TTC39C: variants seen among roughly 807,000 people sequenced by gnomAD.
The protein encoded by TTC39C is tetratricopeptide repeat domain 39C.
In TTC39C, 33 loss-of-function variants were observed where a neutral mutation model predicts 76.3. That is an observed-to-expected ratio of 0.43 (90% CI 0.33 to 0.58). TTC39C has a LOEUF of 0.58. Ranked by LOEUF, TTC39C falls within the 20% of genes least tolerant of loss-of-function variation. TTC39C has a pLI of 0.04. For missense variants in TTC39C, 595 were observed against 701.4 expected (o/e 0.85, Z 1.71); for synonymous variants, 254 against 260.6 (o/e 0.97, Z 0.24).
upstream of TTC39C, chr18:24,013,138 T>C (rs1228983390): frequency 6.6e-6 from 1 of 152,160 alleles, no homozygotes; most frequent in Non-Finnish European, 1.5e-5. Context: ...AAAACCTAGA[T>C]TTTCTTTTAA....
chr18:24,121,236 A>G (rs1054339195), intron 8 of TTC39C, among the ~76,000 whole-genome samples: 1 of 152,196 alleles, frequency 6.6e-6, no homozygotes, highest in African/African-American at 2.4e-5. Context: ...ATATTTTAGG[A>G]TAAACCAGAG....
upstream of TTC39C, among the ~76,000 whole-genome samples, chr18:24,012,018 A>G (rs762677437): frequency 3.3e-5 from 5 of 152,332 alleles, no homozygotes; most frequent in Non-Finnish European, 5.9e-5. Context: ...AGATATCACT[A>G]TCTGCCTTTA....
At chr18:24,121,840 C>G (rs2084972207) in intron 8 of TTC39C, among the ~76,000 whole-genome samples, 1 of 152,144 alleles carries the variant, frequency 6.6e-6, no homozygotes, top group African/African-American at 2.4e-5. Context: ...CCTTTGCATC[C>G]TCTGATCTAA....
At chr18:24,041,877 A>AGTG (rs2083797533) in intron 1 of TTC39C, among the ~76,000 whole-genome samples, 1 of 152,146 alleles carries the variant, frequency 6.6e-6, no homozygotes, top group Non-Finnish European at 1.5e-5. Context: ...GATACAGTTA[A>AGTG]ACTTCCCTTT....
intron 10 of TTC39C, 102 bp downstream of exon 10, chr18:24,125,652 C>T (rs4392147): frequency 0.13 from 192,971 of 1,470,514 alleles, 14,266 homozygotes; most frequent in Middle Eastern, 0.25. Flanking sequence ...TTTATCTCAT[C>T]GGAGTCAGGG....
chr18:24,096,677 TA>T (rs1385567733), intron 6 of TTC39C, among the ~76,000 whole-genome samples: 1 of 152,208 alleles, frequency 6.6e-6, no homozygotes, highest in East Asian at 1.9e-4. Context: ...ATCAAATTCT[TA>T]AAATAGATAA....
chr18:24,071,069 C>T (rs1162258636), intron 4 of TTC39C, among the ~76,000 whole-genome samples: 1 of 152,036 alleles, frequency 6.6e-6, no homozygotes, highest in South Asian at 2.1e-4. Context: ...GCTGGGATTA[C>T]AGGCGCCCAC....
intron 4 of TTC39C, among the ~76,000 whole-genome samples, chr18:24,079,425 G>A (rs1042891275): frequency 6.6e-6 from 1 of 152,126 alleles, no homozygotes; most frequent in Admixed American, 6.5e-5. Flanking sequence ...TCGTCTTTGT[G>A]GTATGTGTTC....
chr18:24,004,306 C>T (rs2083335286), intron 1 of TTC39C, among the ~76,000 whole-genome samples: 1 of 152,196 alleles, frequency 6.6e-6, no homozygotes, highest in African/African-American at 2.4e-5. Flanking sequence ...GCAGCATTCT[C>T]ATTTTCTCTT....
intron 6 of TTC39C, among the ~76,000 whole-genome samples, chr18:24,087,661 T>C (rs1187921862): frequency 6.8e-6 from 1 of 146,996 alleles, no homozygotes; most frequent in Non-Finnish European, 1.5e-5. Context: ...CTTGGCTCAC[T>C]GCAACCTCCG....
chr18:24,129,749 G>A (rs1721875739), intron 11 of TTC39C, among the ~76,000 whole-genome samples: 1 of 142,610 alleles, frequency 7.0e-6, no homozygotes, highest in African/African-American at 2.6e-5. Flanking sequence ...ACTCCAGCCT[G>A]GGCGACACAG....
intron 1 of TTC39C, among the ~76,000 whole-genome samples, chr18:24,055,828 T>G (rs2084008685): frequency 6.6e-6 from 1 of 152,214 alleles, no homozygotes; most frequent in African/African-American, 2.4e-5. Flanking sequence ...TCATAAAGCT[T>G]TTTTCCAATG....
intron 6 of TTC39C, among the ~76,000 whole-genome samples, chr18:24,086,645 A>G (rs913507042): frequency 6.6e-6 from 1 of 152,188 alleles, no homozygotes; most frequent in Admixed American, 6.5e-5. Flanking sequence ...CAAACTGCAG[A>G]AAGAATTCCC....
At chr18:24,046,184 T>C (rs961058022) in intron 1 of TTC39C, among the ~76,000 whole-genome samples, 1 of 151,866 alleles carries the variant, frequency 6.6e-6, no homozygotes, top group South Asian at 2.1e-4. Context: ...GTGATCCACC[T>C]GCCTTGGCCT....
chr18:24,104,852 A>C (rs911519075), intron 6 of TTC39C, among the ~76,000 whole-genome samples: 1 of 152,090 alleles, frequency 6.6e-6, no homozygotes, highest in African/African-American at 2.4e-5. Flanking sequence ...TGGCATGTGG[A>C]AACAGTTCCC....
At chr18:24,077,055 C>T (rs981835161) in intron 4 of TTC39C, 7 of 152,158 alleles carry the variant, frequency 4.6e-5, no homozygotes, top group South Asian at 2.1e-4. Context: ...TTCGACGTCA[C>T]GTTGAGAGAT....
chr18:24,113,467 C>G (rs2145807703), intron 6 of TTC39C: 1 of 649,868 alleles, frequency 1.5e-6, no homozygotes, highest in South Asian at 1.7e-5. Flanking sequence ...ATAATGGGCA[C>G]TTGGGAGCAT....
intron 6 of TTC39C, among the ~76,000 whole-genome samples, chr18:24,092,092 C>CAAAAAAAA (rs74171390): frequency 5.9e-5 from 4 of 67,596 alleles, no homozygotes; most frequent in Admixed American, 2.3e-4. Flanking sequence ...GACTCAGTCT[C>CAAAAAAAA]AAAAAAAAAA....
At chr18:24,106,523 C>T (rs950049907) in intron 6 of TTC39C, among the ~76,000 whole-genome samples, 59 of 152,270 alleles carry the variant, frequency 3.9e-4, no homozygotes, top group African/African-American at 1.3e-3. Flanking sequence ...CTGCACATCC[C>T]TCTTCCTCAC....
Sources: allele counts gnomAD v4.1 joint callset (sites outside exome capture counted in the v4.1 genomes callset), GRCh38; gene constraint gnomAD v4.1.1; transcripts MANE v1.5; gene names NCBI Gene and HGNC (gene_info 2026-07-23, HGNC 2026-07-21).